Variants in CENPK observed in about 807,000 individuals in gnomAD.
CENPK encodes the protein SoxLZ/Sox6-binding protein Solt.
In CENPK, 46 loss-of-function variants were observed where a neutral mutation model predicts 40.9. The ratio of observed to expected loss-of-function variants is 1.13; its 90% CI spans 0.89 to 1.44. CENPK has a LOEUF of 1.44. CENPK is among the 40% of genes most tolerant of loss of function. CENPK has a pLI of 0.00. For synonymous variants in CENPK, 107 were observed against 104.4 expected (o/e 1.02, Z -0.15); for missense variants, 288 against 303.5 (o/e 0.95, Z 0.38).
chr5:65,519,016 T>A (rs1482871747), intron 10 of CENPK, among the ~76,000 whole-genome samples: 3 of 152,084 alleles, frequency 2.0e-5, no homozygotes, highest in Non-Finnish European at 2.9e-5. Context: ...GAAGGAAAAA[T>A]AACTGGTCCT....
At chr5:65,551,247 C>G in intron 5 of CENPK, 1 of 126,606 alleles carries the variant, frequency 7.9e-6, no homozygotes, top group Non-Finnish European at 1.3e-5. Context: ...GAGACCCTGT[C>G]TCAAAAAAAA....
chr5:65,509,558 C>T, the CENPK span, among the ~76,000 whole-genome samples: 1 of 152,126 alleles, frequency 6.6e-6, no homozygotes, highest in African/African-American at 2.4e-5. Context: ...TGTCGGTGTT[C>T]CTTCCAATTT....
At chr5:65,523,408 A>G (rs1456532990) in intron 9 of CENPK, among the ~76,000 whole-genome samples, 1 of 152,222 alleles carries the variant, frequency 6.6e-6, no homozygotes, top group African/African-American at 2.4e-5. Flanking sequence ...TCCTGATACC[A>G]GTCAGAGATT....
chr5:65,508,165 T>C, the CENPK span, among the ~76,000 whole-genome samples: 1 of 152,204 alleles, frequency 6.6e-6, no homozygotes, highest in African/African-American at 2.4e-5. Flanking sequence ...AAATACAAAA[T>C]ACAATTTTAG....
rs142421349 is a variant in CENPK at position 65,557,914 on chromosome 5, T to C, written c.-39-2968A>G. The stretch of plus-strand genomic sequence containing the variant: ...CAAGAAAGAATGGAAGGCAAGGAAT[T>C]AAAAATATTAAGTATATGAAACGTT... On this transcript the variant is annotated intron_variant, in intron 2 of 10. Transcript: ENST00000396679. Among the ~76,000 whole-genome samples the C allele has an allele frequency of 1.8e-4, 27 of 152,306 alleles. No individual in the cohort carries two copies. The East Asian group carries it at 4.6e-3, about 26-fold the overall frequency.
At chr5:65,537,898 G>T (rs72762432) in intron 6 of CENPK, among the ~76,000 whole-genome samples, 30,010 of 152,034 alleles carry the variant, frequency 0.2, 3,491 homozygotes, top group South Asian at 0.32. Context: ...TTTTCGTTTG[G>T]ATACATACAT....
the CENPK span, among the ~76,000 whole-genome samples, chr5:65,510,776 CAA>C: frequency 2.2e-5 from 3 of 133,642 alleles, no homozygotes; most frequent in Non-Finnish European, 1.6e-5. Flanking sequence ...AACTCCATCT[CAA>C]AAAAAAAAAA....
chr5:65,545,477 A>G (rs1320391593), intron 5 of CENPK, among the ~76,000 whole-genome samples: 1 of 152,172 alleles, frequency 6.6e-6, no homozygotes, highest in Non-Finnish European at 1.5e-5. Context: ...AAGTGCTAAA[A>G]GAAAACAACC....
chr5:65,530,069 C>A (rs1047466005), intron 6 of CENPK, among the ~76,000 whole-genome samples: 1 of 152,142 alleles, frequency 6.6e-6, no homozygotes, highest in Non-Finnish European at 1.5e-5. Flanking sequence ...TCCCAAAGTG[C>A]TAGGATTACA....
At chr5:65,527,069 C>G (rs954233975) in intron 9 of CENPK, among the ~76,000 whole-genome samples, 1 of 151,832 alleles carries the variant, frequency 6.6e-6, no homozygotes, top group Non-Finnish European at 1.5e-5. Context: ...TGCACTCCAG[C>G]CTGGGTGACA....
At chr5:65,526,784 C>T (rs1744780591) in intron 9 of CENPK, among the ~76,000 whole-genome samples, 1 of 152,212 alleles carries the variant, frequency 6.6e-6, no homozygotes, top group African/African-American at 2.4e-5. Flanking sequence ...CATAGCAAGA[C>T]CTCGTCTCTA....
intron 4 of CENPK, among the ~76,000 whole-genome samples, chr5:65,552,267 A>G (rs749125396): frequency 3.9e-5 from 6 of 152,242 alleles, no homozygotes; most frequent in Non-Finnish European, 8.8e-5. Context: ...TAAAAGACAA[A>G]TAATAAAGAA....
the CENPK span, among the ~76,000 whole-genome samples, chr5:65,508,999 T>C: frequency 6.6e-6 from 1 of 152,122 alleles, no homozygotes; most frequent in Middle Eastern, 3.2e-3. Context: ...GGAGAAACTA[T>C]TTGTAAACAT....
At chr5:65,504,832 C>G in the CENPK span, among the ~76,000 whole-genome samples, 4 of 152,180 alleles carry the variant, frequency 2.6e-5, no homozygotes, top group Admixed American at 1.3e-4. Context: ...CTATCCTCCC[C>G]TGGATTAACT....
chr5:65,555,939 T>C (rs1434464414), intron 2 of CENPK, among the ~76,000 whole-genome samples: 1 of 152,170 alleles, frequency 6.6e-6, no homozygotes, highest in African/African-American at 2.4e-5. Context: ...GAGCTAGCAA[T>C]ATGAATTTGA....
At chr5:65,507,937 C>A in the CENPK span, among the ~76,000 whole-genome samples, 12 of 152,282 alleles carry the variant, frequency 7.9e-5, no homozygotes, top group African/African-American at 1.7e-4. Context: ...ACTTCATTCA[C>A]ATTTGTCTGA....
At chr5:65,551,938 C>G (rs17828788) in intron 4 of CENPK, among the ~76,000 whole-genome samples, 6,219 of 150,396 alleles carry the variant, frequency 0.041, 166 homozygotes, top group Non-Finnish European at 0.063. Context: ...ATACCTAACA[C>G]AAAGTTAGCC....
chr5:65,535,069 T>TA (rs1442679659), intron 6 of CENPK, among the ~76,000 whole-genome samples: 3 of 152,062 alleles, frequency 2.0e-5, no homozygotes, highest in Admixed American at 6.6e-5. Context: ...ATACAAAACT[T>TA]AGCCAGACAT....
intron 2 of CENPK, among the ~76,000 whole-genome samples, chr5:65,560,213 A>T (rs980639915): frequency 7.2e-5 from 11 of 152,134 alleles, no homozygotes; most frequent in African/African-American, 2.7e-4. Flanking sequence ...CCCCAAACCT[A>T]GGAGAAATAC....
Sources: allele counts gnomAD v4.1 joint callset (sites outside exome capture counted in the v4.1 genomes callset), GRCh38; gene constraint gnomAD v4.1.1; transcripts MANE v1.5; gene names NCBI Gene and HGNC (gene_info 2026-07-23, HGNC 2026-07-21).